The following KCTD7 variants were observed in gnomAD, a reference collection of about 807,000 sequenced individuals.
KCTD7 encodes the protein potassium channel tetramerization domain containing 7.
A neutral mutation model predicts 27.0 loss-of-function variants in KCTD7; 15 were observed. That is an observed-to-expected ratio of 0.56 (90% CI 0.37 to 0.86). The LOEUF (loss-of-function observed/expected upper bound fraction) is 0.86, where lower values mean the gene tolerates loss of function less well. Among genes scored for constraint, KCTD7 ranks in the 40% least tolerant of loss-of-function variants. KCTD7 has a pLI of 0.00. For synonymous variants in KCTD7, 159 were observed against 162.7 expected, an observed-to-expected ratio of 0.98 and a Z score of 0.17; for missense variants, 299 against 398.9, an observed-to-expected ratio of 0.75 and a Z score of 2.13.
chr7:66,638,964 C>A lies in KCTD7; in HGVS notation c.602C>A (p.Pro201His). 1.2e-6 allele frequency: 2 copies of A among 1,614,210 alleles called. No homozygotes were observed. Among genetic ancestry groups the A allele is most frequent in the Non-Finnish European group, 1.7e-6 (2 of 1,180,032 alleles). ...TTCAAGGAGGAGATGCCCATCACCCCCTATGAGTGTCCGCTCCTCAACTCC... is the reference window on the plus strand; with the variant it reads ...TTCAAGGAGGAGATGCCCATCACCCACTATGAGTGTCCGCTCCTCAACTCC... ...CVFKEEMPIT[P>H]YECPLLNSLR... The change falls in exon 4 of 4, where the codon CCC (proline) becomes CAC (histidine). Residue 201 changes from proline (P) to histidine (H), a missense_variant. Pro to His is a moderately conservative substitution (Grantham distance 77). Coordinates refer to ENST00000639828, the MANE Select transcript of KCTD7 (RefSeq NM_153033.5).
At chr7:66,632,488 C>CAA (rs79868578) in intron 1 of KCTD7, among the ~76,000 whole-genome samples, 5 of 52,588 alleles carry the variant, frequency 9.5e-5, no homozygotes, top group East Asian at 5.3e-4. Context: ...GACTCCGTCT[C>CAA]AAAAAAAAAA....
chr7:66,629,561 C>T (rs1786401212), intron 1 of KCTD7, among the ~76,000 whole-genome samples: 1 of 152,020 alleles, frequency 6.6e-6, no homozygotes, highest in African/African-American at 2.4e-5. Flanking sequence ...GATGGTGTGT[C>T]TGACCAGGCA....
At position 66,642,508 on chromosome 7, in the gene KCTD7, C is replaced by G. The variant is rs962674356; in HGVS notation, c.*3276C>G. On this transcript the variant is annotated 3_prime_UTR_variant, in exon 4 of 4. Coordinates refer to ENST00000639828, the MANE Select transcript of KCTD7 (RefSeq NM_153033.5). ...TGTGTGGTCTTGGTCTAAACCAGCT[C>G]TTGAACAGGTTAAAGCAAACAGCAA... The G allele has an allele frequency of 2.0e-6, 2 of 985,314 alleles. No individual in the cohort carries two copies. Among genetic ancestry groups the G allele is most frequent in the Non-Finnish European group, 2.4e-6 (2 of 829,954 alleles). The allele number at this position is 985,314 out of a possible 1,614,324, so 61.0% of individuals were successfully genotyped here.
chr7:66,631,684 A>G (rs938215612), intron 1 of KCTD7, among the ~76,000 whole-genome samples: 1 of 152,002 alleles, frequency 6.6e-6, no homozygotes, highest in African/African-American at 2.4e-5. Context: ...GTTTGGTAGA[A>G]ACCACAAGCA....
chr7:66,629,236 G>C, intron 1 of KCTD7, 28 bp downstream of exon 1: 1 of 1,310,940 alleles, frequency 7.6e-7, no homozygotes, highest in Non-Finnish European at 9.7e-7. Context: ...GGGCCGCGGG[G>C]CGTGGGGAGG....
intron 2 of KCTD7, among the ~76,000 whole-genome samples, chr7:66,636,903 T>G (rs1786599242): frequency 6.6e-6 from 1 of 152,230 alleles, no homozygotes; most frequent in Non-Finnish European, 1.5e-5. Flanking sequence ...GCATTTTACC[T>G]GCTCTGCATA....
At chr7:66,633,196 A>AC (rs1786494131) in intron 1 of KCTD7, 79 bp from the exon 2 acceptor site, 7 of 1,445,738 alleles carry the variant, frequency 4.8e-6, no homozygotes, top group Non-Finnish European at 6.8e-6. Context: ...CACCAATCAG[A>AC]CCCCAGGGAT....
chr7:66,641,158 G>C lies in KCTD7; in HGVS notation c.*1926G>C. 3 of 985,356 alleles carry C rather than the reference G, an allele frequency of 3.0e-6. 1 individual carries two copies. The South Asian group carries it at 1.4e-4, about 46-fold the overall frequency. The allele number at this position is 985,356 out of a possible 1,614,324, so 61.0% of individuals were successfully genotyped here. On this transcript the variant is annotated 3_prime_UTR_variant, in exon 4 of 4. Coordinates refer to ENST00000639828, the MANE Select transcript of KCTD7 (RefSeq NM_153033.5). ...GATATGCGCTCTCTCTATTGTTCTC[G>C]TACACAAAGGGATAGTCTCTTTTCT... is the stretch of plus-strand genomic sequence containing the variant.
chr7:66,641,638 C>A lies in KCTD7; in HGVS notation c.*2406C>A, dbSNP rs1786720124. On this transcript the variant is annotated 3_prime_UTR_variant, in exon 4 of 4. Coordinates refer to ENST00000639828, the MANE Select transcript of KCTD7 (RefSeq NM_153033.5). ...TAATGTATTCTGTGCCACTGTAGGA[C>A]ACAAGGCTCTGGGCCAGTAGAACAG... 2.0e-6 allele frequency: 2 copies of A among 985,408 alleles called. No individual in the cohort carries two copies. Among genetic ancestry groups the A allele is most frequent in the Non-Finnish European group, 2.4e-6 (2 of 829,940 alleles). The allele number at this position is 985,408 out of a possible 1,614,324, so 61.0% of individuals were successfully genotyped here.
At chr7:66,629,773 C>T (rs988395530) in intron 1 of KCTD7, among the ~76,000 whole-genome samples, 8 of 152,154 alleles carry the variant, frequency 5.3e-5, no homozygotes, top group African/African-American at 1.9e-4. Context: ...AGTGGTTGCC[C>T]ACACCTAGTC....
Position 66,629,040 on chromosome 7 carries a change from G to A in KCTD7, c.-25G>A, listed in dbSNP as rs1786379043. 3 of 1,491,068 alleles carry A rather than the reference G, an allele frequency of 2.0e-6. No individual in the cohort carries two copies. The highest frequency in any genetic ancestry group is 1.3e-5 in the South Asian group (1 of 78,990). The allele number at this position is 1,491,068 out of a possible 1,614,324, so 92.4% of individuals were successfully genotyped here. A position where few individuals can be genotyped will look rare whatever the true frequency, so the allele number is the denominator to read the frequency against. On this transcript the variant is annotated 5_prime_UTR_variant, in exon 1 of 4. Transcript: ENST00000639828. Reference sequence around the variant, plus strand: ...CCGCCGCCTCCGCCCGCCCGAAGCCGCGCCCACTGCCCAGAGCCAGAGGGA... The same window carrying A: ...CCGCCGCCTCCGCCCGCCCGAAGCCACGCCCACTGCCCAGAGCCAGAGGGA...
intron 2 of KCTD7, among the ~76,000 whole-genome samples, chr7:66,636,220 T>A (rs181343395): frequency 6.6e-6 from 1 of 152,148 alleles, no homozygotes; most frequent in African/African-American, 2.4e-5. Flanking sequence ...TGGGCCTCAG[T>A]CTGGGGTCGT....
At chr7:66,643,131 C>T (rs1395940018), downstream of KCTD7, 1 of 982,510 alleles carries the variant, frequency 1.0e-6, no homozygotes, top group Non-Finnish European at 1.2e-6. Flanking sequence ...TTTTTTATTT[C>T]TGCTTAAAAT....
chr7:66,634,917 G>A (rs147647370), intron 2 of KCTD7, among the ~76,000 whole-genome samples: 1,526 of 152,158 alleles, frequency 0.01, 15 homozygotes, highest in Non-Finnish European at 0.017. Flanking sequence ...TTGTGAGGCC[G>A]AGGTGGGAGG....
At chr7:66,636,996 C>G (rs180804763) in intron 2 of KCTD7, among the ~76,000 whole-genome samples, 30 of 152,286 alleles carry the variant, frequency 2.0e-4, no homozygotes, top group Admixed American at 1.8e-3. Flanking sequence ...ATGCTGCAAC[C>G]ACTTTGTTAA....
Sources: gnomAD v4.1 joint callset for allele counts (sites outside exome capture counted in the v4.1 genomes callset) on GRCh38, gnomAD v4.1.1 for gene constraint, MANE v1.5 for transcripts, NCBI Gene and HGNC (gene_info 2026-07-23, HGNC 2026-07-21) for gene names.